The following GALNT9 variants were observed in gnomAD, a reference collection of about 807,000 sequenced individuals.
GALNT9 encodes GalNAc transferase 9.
A neutral mutation model predicts 63.1 loss-of-function variants in GALNT9; 47 were observed. The ratio of observed to expected loss-of-function variants is 0.75; its 90% CI spans 0.59 to 0.95. The LOEUF is 0.95. GALNT9 is among the 40% of genes least tolerant of loss of function. The pLI, the probability that GALNT9 is intolerant of heterozygous loss-of-function variation, is 0.00. For missense variants in GALNT9, 829 were observed against 874.8 expected (o/e 0.95, Z 0.66); for synonymous variants, 396 against 365.7 (o/e 1.08, Z -0.94).
At chr12:132,253,831 C>T (rs1228820407) in intron 5 of GALNT9, among the ~76,000 whole-genome samples, 2 of 152,216 alleles carry the variant, frequency 1.3e-5, no homozygotes, top group Non-Finnish European at 2.9e-5. Context: ...CACACTTTCT[C>T]TGCCCGGGGC....
chr12:132,288,633 G>A (rs1880692728), intron 1 of GALNT9, among the ~76,000 whole-genome samples: 1 of 151,058 alleles, frequency 6.6e-6, no homozygotes, highest in South Asian at 2.1e-4. Context: ...CAGCGTTGGG[G>A]GCAGGAGGGT....
chr12:132,270,835 A>G (rs1363225428), intron 2 of GALNT9, among the ~76,000 whole-genome samples: 1 of 151,834 alleles, frequency 6.6e-6, no homozygotes, highest in Non-Finnish European at 1.5e-5. Context: ...GGGAGAAAAG[A>G]TAAGAGGCAG....
In GALNT9 at chr12:132,196,419, CT is replaced by C; in HGVS notation, c.*687del. On this transcript the variant is annotated 3_prime_UTR_variant, in exon 11 of 11. Coordinates refer to ENST00000328957, the MANE Select transcript of GALNT9 (RefSeq NM_001122636.2). The stretch of plus-strand genomic sequence containing the variant: ...TGTATTTATTAAAACAGGCAAGGGG[CT>C]GGGCTGCGGCAGGGCCCAGGTGCCT... 3.0e-6 allele frequency: 3 copies of C among 985,112 alleles called. No homozygotes were observed. Among genetic ancestry groups the C allele is most frequent in the Non-Finnish European group, 3.6e-6 (3 of 829,610 alleles). 61.0% of individuals were successfully genotyped at this position (985,112 alleles called of 1,614,324 possible). A position where few individuals can be genotyped will look rare whatever the true frequency, so the allele number is the denominator to read the frequency against.
At chr12:132,299,366 A>G (rs1881205898) in intron 1 of GALNT9, among the ~76,000 whole-genome samples, 1 of 129,484 alleles carries the variant, frequency 7.7e-6, no homozygotes. Flanking sequence ...CATGATAACT[A>G]ACCCACTCCC....
chr12:132,254,556 C>G (rs976137521), intron 5 of GALNT9, among the ~76,000 whole-genome samples: 3 of 152,198 alleles, frequency 2.0e-5, no homozygotes, highest in Non-Finnish European at 4.4e-5. Flanking sequence ...GCACGTGACT[C>G]TGTGATCCTC....
At chr12:132,215,800 G>C (rs911028124) in intron 6 of GALNT9, among the ~76,000 whole-genome samples, 3 of 152,210 alleles carry the variant, frequency 2.0e-5, no homozygotes, top group Admixed American at 6.5e-5. Flanking sequence ...CCCAGCACGG[G>C]ACCCAGGTGC....
At chr12:132,269,351 G>C (rs1327178227) in intron 2 of GALNT9, among the ~76,000 whole-genome samples, 7 of 152,262 alleles carry the variant, frequency 4.6e-5, no homozygotes, top group Non-Finnish European at 8.8e-5. Flanking sequence ...AGCAGAGCCA[G>C]TGGCTGCGAG....
chr12:132,311,794 G>C (rs573680623), intron 1 of GALNT9, among the ~76,000 whole-genome samples: 19 of 152,178 alleles, frequency 1.2e-4, no homozygotes, highest in Non-Finnish European at 2.1e-4. Context: ...CTTCGTGTGC[G>C]TGCGACCTTG....
chr12:132,286,437 G>A lies in GALNT9; in HGVS notation c.239-7C>T, dbSNP rs1555242206. On this transcript the variant is annotated splice_polypyrimidine_tract_variant and splice_region_variant and intron_variant, in intron 1 of 10. Coordinates refer to ENST00000328957, the MANE Select transcript of GALNT9 (RefSeq NM_001122636.2). This position sits in a 1 kb window ranked among gnomAD's most constrained non-coding sequence, Gnocchi z 7.4. Reference sequence around the variant, plus strand: ...CCGATGGGCTTGGCAAGGCCTGGGGGAAAGGAAGAGAGGGAGGTCAGGCAG... The same window carrying A: ...CCGATGGGCTTGGCAAGGCCTGGGGAAAAGGAAGAGAGGGAGGTCAGGCAG... 1 of 1,547,300 alleles carries A rather than the reference G, an allele frequency of 6.5e-7. No individual in the cohort carries two copies. The highest frequency in any genetic ancestry group is 8.7e-7 in the Non-Finnish European group (1 of 1,145,604).
chr12:132,326,985 T>C (rs1270496740), intron 1 of GALNT9, among the ~76,000 whole-genome samples: 9 of 152,128 alleles, frequency 5.9e-5, no homozygotes, highest in African/African-American at 2.2e-4. Flanking sequence ...GGGGCAAAGA[T>C]TGACTGACTC....
intron 1 of GALNT9, among the ~76,000 whole-genome samples, chr12:132,328,058 A>T (rs1230143080): frequency 6.6e-6 from 1 of 152,154 alleles, no homozygotes; most frequent in Non-Finnish European, 1.5e-5. Flanking sequence ...AAGCCACACC[A>T]GCTAGTGATG....
chr12:132,198,391 C>A (rs1875706293), intron 9 of GALNT9, among the ~76,000 whole-genome samples: 1 of 151,484 alleles, frequency 6.6e-6, no homozygotes, highest in South Asian at 2.1e-4. Flanking sequence ...TGGCCTGGAC[C>A]TTCACTACGG....
intron 1 of GALNT9, among the ~76,000 whole-genome samples, chr12:132,325,954 C>T (rs1033059143): frequency 6.6e-6 from 1 of 152,274 alleles, no homozygotes; most frequent in African/African-American, 2.4e-5. Context: ...CGCGGGCGAC[C>T]GTGCTCCCTG....
At chr12:132,266,979 C>T (rs1466336876) in intron 2 of GALNT9, among the ~76,000 whole-genome samples, 8 of 152,188 alleles carry the variant, frequency 5.3e-5, no homozygotes, top group African/African-American at 1.9e-4. Context: ...GAGAATAAAA[C>T]GTCACAGACG....
intron 5 of GALNT9, among the ~76,000 whole-genome samples, chr12:132,249,131 A>G (rs945798725): frequency 6.6e-6 from 1 of 152,254 alleles, no homozygotes; most frequent in Non-Finnish European, 1.5e-5. Flanking sequence ...TGTTGTAAGG[A>G]AGGAGGAACT....
chr12:132,304,653 A>G (rs375010550), intron 1 of GALNT9, among the ~76,000 whole-genome samples: 11 of 34,206 alleles, frequency 3.2e-4, no homozygotes, highest in African/African-American at 9.4e-4. Flanking sequence ...GCCCGGACAC[A>G]CCCTCACCCG....
chr12:132,217,930 T>C (rs1393403223), intron 6 of GALNT9, among the ~76,000 whole-genome samples: 1 of 136,566 alleles, frequency 7.3e-6, no homozygotes, highest in Non-Finnish European at 1.6e-5. Flanking sequence ...CACCCATCCA[T>C]TCATCCACCC....
chr12:132,300,018 T>C (rs1181498075), intron 1 of GALNT9, among the ~76,000 whole-genome samples: 33 of 99,280 alleles, frequency 3.3e-4, no homozygotes, highest in South Asian at 3.6e-4. Flanking sequence ...CTGAGATAAC[T>C]CACTCCCATG....
At chr12:132,226,766 C>T (rs1331620845) in intron 6 of GALNT9, among the ~76,000 whole-genome samples, 1 of 149,002 alleles carries the variant, frequency 6.7e-6, no homozygotes, top group Non-Finnish European at 1.5e-5. Flanking sequence ...ACCCCACACA[C>T]TGTACATACA....
Sources: allele counts gnomAD v4.1 joint callset (sites outside exome capture counted in the v4.1 genomes callset), GRCh38; gene constraint gnomAD v4.1.1; non-coding constraint Gnocchi (gnomAD v3.1); transcripts MANE v1.5; gene names NCBI Gene and HGNC (gene_info 2026-07-23, HGNC 2026-07-21).